Variants in KDM4C observed in about 807,000 individuals in gnomAD.
KDM4C encodes lysine-specific demethylase 4C.
Under a neutral mutation model 129.3 loss-of-function variants are expected in KDM4C, and 81 were observed. That is an observed-to-expected ratio of 0.63 (90% CI 0.52 to 0.75). The LOEUF (loss-of-function observed/expected upper bound fraction) is 0.75, where lower values mean the gene tolerates loss of function less well. Among genes scored for constraint, KDM4C ranks in the 30% least tolerant of loss-of-function variants. The probability of loss-of-function intolerance (pLI) is 0.00; values close to 1 mark genes in which losing one functional copy is unlikely to be tolerated. For synonymous variants in KDM4C, 573 were observed against 456.1 expected (o/e 1.26, Z -3.26); for missense variants, 1,457 against 1,304.0 (o/e 1.12, Z -1.81).
chr9:6,852,871 A>G (rs1015029597), intron 5 of KDM4C, among the ~76,000 whole-genome samples: 4 of 151,996 alleles, frequency 2.6e-5, no homozygotes, highest in African/African-American at 9.7e-5. Flanking sequence ...GACTCTCTGG[A>G]CTATGTGCTG....
chr9:6,961,433 A>C (rs1830032919), intron 8 of KDM4C, among the ~76,000 whole-genome samples: 1 of 152,212 alleles, frequency 6.6e-6, no homozygotes, highest in African/African-American at 2.4e-5. Flanking sequence ...GTATCCACCT[A>C]CTTTCTGAAC....
chr9:6,854,723 G>A, intron 5 of KDM4C, among the ~76,000 whole-genome samples: 1 of 152,168 alleles, frequency 6.6e-6, no homozygotes, highest in Non-Finnish European at 1.5e-5. Context: ...TCAGTAAACT[G>A]AGATTTTGTT....
intron 8 of KDM4C, among the ~76,000 whole-genome samples, chr9:6,967,267 T>C (rs1217130856): frequency 1.3e-5 from 2 of 151,628 alleles, no homozygotes; most frequent in African/African-American, 2.4e-5. Flanking sequence ...CTATTAAAAA[T>C]ACAAATATTA....
At chr9:6,916,170 G>C (rs997859703) in intron 8 of KDM4C, among the ~76,000 whole-genome samples, 2 of 152,100 alleles carry the variant, frequency 1.3e-5, no homozygotes, top group South Asian at 2.1e-4. Context: ...AGTGATTTGA[G>C]GTGTAGTGTG....
At chr9:6,756,576 G>T (rs993313097), upstream of KDM4C, among the ~76,000 whole-genome samples, 2 of 152,216 alleles carry the variant, frequency 1.3e-5, no homozygotes, top group African/African-American at 4.8e-5. Flanking sequence ...AATTAGCTGG[G>T]CGTGGTGGCG....
intron 8 of KDM4C, among the ~76,000 whole-genome samples, chr9:6,936,790 C>G (rs531550151): frequency 2.5e-4 from 38 of 152,284 alleles, no homozygotes; most frequent in South Asian, 1.0e-3. Flanking sequence ...TTCCTAATAA[C>G]TATGTGCCCT....
intron 17 of KDM4C, among the ~76,000 whole-genome samples, chr9:7,065,264 C>CTT (rs200829590): frequency 6.6e-6 from 1 of 151,146 alleles, no homozygotes; most frequent in African/African-American, 2.4e-5. Context: ...AAACTATGGA[C>CTT]TTTTTTTTTC....
chr9:6,777,533 G>A (rs549136341), intron 1 of KDM4C, among the ~76,000 whole-genome samples: 127 of 152,318 alleles, frequency 8.3e-4, no homozygotes, highest in African/African-American at 2.9e-3. Flanking sequence ...TCTTTCAGTA[G>A]TGAATGCCTG....
chr9:7,114,486 AACTT>A (rs911308649), intron 18 of KDM4C, among the ~76,000 whole-genome samples: 1 of 152,212 alleles, frequency 6.6e-6, no homozygotes, highest in Non-Finnish European at 1.5e-5. Flanking sequence ...TCATTAGTAA[AACTT>A]AATAGCTTTC....
At chr9:6,804,507 C>T (rs1185752606) in intron 2 of KDM4C, among the ~76,000 whole-genome samples, 1 of 152,172 alleles carries the variant, frequency 6.6e-6, no homozygotes, top group Non-Finnish European at 1.5e-5. Context: ...CGCCTGTAAT[C>T]CCAACAATTT....
chr9:7,114,701 C>A (rs917513935), intron 18 of KDM4C, among the ~76,000 whole-genome samples: 2 of 152,136 alleles, frequency 1.3e-5, no homozygotes, highest in African/African-American at 4.8e-5. Flanking sequence ...TGAAACTTGT[C>A]AGTGCTCTGT....
chr9:7,161,860 G>A (rs1290507465), intron 19 of KDM4C, among the ~76,000 whole-genome samples: 1 of 152,178 alleles, frequency 6.6e-6, no homozygotes, highest in Non-Finnish European at 1.5e-5. Flanking sequence ...TCTCATTCTT[G>A]TTTAAATTTA....
intron 18 of KDM4C, among the ~76,000 whole-genome samples, chr9:7,116,923 T>G (rs1228756454): frequency 6.6e-6 from 1 of 152,238 alleles, no homozygotes; most frequent in African/African-American, 2.4e-5. Context: ...GGGGACAGTG[T>G]ATCAATGTAG....
intron 1 of KDM4C, among the ~76,000 whole-genome samples, chr9:6,725,051 C>T (rs1474663865): frequency 3.9e-5 from 6 of 152,098 alleles, no homozygotes; most frequent in Admixed American, 6.6e-5. Flanking sequence ...GTCATGACAC[C>T]TTCCTCACAT....
intron 19 of KDM4C, among the ~76,000 whole-genome samples, chr9:7,141,154 C>G (rs147317425): frequency 2.0e-5 from 3 of 151,984 alleles, no homozygotes; most frequent in Non-Finnish European, 4.4e-5. Flanking sequence ...TTTTTTGGCT[C>G]TAGTGAAAAA....
chr9:6,990,392 C>G (rs1818514912), intron 11 of KDM4C, 24 bp from the exon 12 acceptor site: 2 of 1,419,850 alleles, frequency 1.4e-6, no homozygotes, highest in African/African-American at 2.8e-5. Flanking sequence ...TGGTATTTCT[C>G]CACCATTTTT....
intron 4 of KDM4C, among the ~76,000 whole-genome samples, chr9:6,827,241 A>G (rs1804471082): frequency 6.6e-6 from 1 of 152,212 alleles, no homozygotes; most frequent in Admixed American, 6.5e-5. Flanking sequence ...TTTTTCTCAG[A>G]GTCTTCATCT....
chr9:6,926,483 A>G (rs969559199), intron 8 of KDM4C, among the ~76,000 whole-genome samples: 1 of 152,038 alleles, frequency 6.6e-6, no homozygotes, highest in African/African-American at 2.4e-5. Context: ...TTTTTGCATA[A>G]TTAAAATTAT....
intron 17 of KDM4C, chr9:7,077,042 C>G (rs998726916): frequency 8.2e-5 from 81 of 985,400 alleles, no homozygotes; most frequent in Non-Finnish European, 8.9e-5. Context: ...AACAAAGCAA[C>G]TGAACGTATT....
Sources: allele counts gnomAD v4.1 joint callset (sites outside exome capture counted in the v4.1 genomes callset), GRCh38; gene constraint gnomAD v4.1.1; transcripts MANE v1.5; gene names NCBI Gene and HGNC (gene_info 2026-07-23, HGNC 2026-07-21).